PRKCH: variants seen among roughly 807,000 people sequenced by gnomAD.
PRKCH encodes the protein protein kinase C eta type.
PRKCH carries 28 observed loss-of-function variants against 82.5 expected under a neutral mutation model. That is an observed-to-expected ratio of 0.34 (90% confidence interval 0.25 to 0.47). The LOEUF (loss-of-function observed/expected upper bound fraction) is 0.47. Among genes scored for constraint, PRKCH ranks in the 20% least tolerant of loss-of-function variants. The pLI, the probability that PRKCH is intolerant of heterozygous loss-of-function variation, is 1.00. For synonymous variants in PRKCH, 322 were observed against 327.4 expected (o/e 0.98, Z 0.18); for missense variants, 705 against 881.8 (o/e 0.80, Z 2.54).
Position 61,280,472 on chromosome 14 carries a change from G to C in PRKCH, c.-19+92804G>C, listed in dbSNP as rs917025945. On this transcript the variant is annotated intron_variant, in intron 1 of 3. Transcript: ENST00000555185. The surrounding 1 kb of genome is among the most constrained non-coding windows in gnomAD (Gnocchi z 5.0). The stretch of plus-strand genomic sequence containing the variant: ...TAGACTGGCCGGCGCCAGTTGGGCG[G>C]GGGCGCCGTGCCCTGGAAGGCCAAC... 47 of 1,613,242 alleles carry C rather than the reference G, an allele frequency of 2.9e-5. No individual in the cohort carries two copies. Among genetic ancestry groups the C allele is most frequent in the Non-Finnish European group, 3.7e-5 (44 of 1,179,710 alleles).
chr14:61,273,711 T>C lies in PRKCH; in HGVS notation c.-19+86043T>C, dbSNP rs543135679. On this transcript the variant is annotated intron_variant, in intron 1 of 3. Coordinates refer to the PRKCH transcript ENST00000555185. ...GAGCATTTCCATGCTGTTAAGAATA[T>C]ACGTGCATTCTCAGCTGTCTTTAAG... Among the ~76,000 whole-genome samples, 6 of 152,382 alleles carry C rather than the reference T, an allele frequency of 3.9e-5. No homozygotes were observed. In the South Asian group the frequency reaches 8.3e-4, roughly 21 times the overall value.
chr14:61,337,127 A>G (rs2045868128), intron 1 of PRKCH, among the ~76,000 whole-genome samples: 1 of 137,934 alleles, frequency 7.2e-6, no homozygotes, highest in African/African-American at 2.6e-5. Context: ...AGATGTATTC[A>G]AGGACACCAA....
chr14:61,287,336 C>G (rs543737563), intron 1 of PRKCH, among the ~76,000 whole-genome samples: 1 of 150,338 alleles, frequency 6.7e-6, no homozygotes, highest in East Asian at 2.0e-4. Flanking sequence ...CCAGAATAGG[C>G]AGAGGACAAG....
chr14:61,445,082 C>T (rs746114012), intron 3 of PRKCH, among the ~76,000 whole-genome samples: 2 of 152,198 alleles, frequency 1.3e-5, no homozygotes, highest in Non-Finnish European at 2.9e-5. Context: ...GGCTTAGTTA[C>T]TGTGGTCTTT....
chr14:61,255,067 G>A (rs1177826394), intron 1 of PRKCH, among the ~76,000 whole-genome samples: 1 of 152,188 alleles, frequency 6.6e-6, no homozygotes, highest in East Asian at 1.9e-4. Context: ...CAAGATTATG[G>A]CAGCCCTTCT....
At chr14:61,397,486 A>G (rs1346565661) in intron 2 of PRKCH, among the ~76,000 whole-genome samples, 6 of 152,258 alleles carry the variant, frequency 3.9e-5, no homozygotes, top group South Asian at 2.1e-4. Flanking sequence ...GAGAAGATTT[A>G]GCAAGAAAAC....
intron 10 of PRKCH, among the ~76,000 whole-genome samples, chr14:61,507,011 A>G (rs1455538745): frequency 6.6e-6 from 1 of 152,208 alleles, no homozygotes; most frequent in Non-Finnish European, 1.5e-5. Context: ...AAGGCAACCT[A>G]TGGAAAGGGA....
At chr14:61,285,580 T>A (rs530111059) in intron 1 of PRKCH, among the ~76,000 whole-genome samples, 25 of 152,352 alleles carry the variant, frequency 1.6e-4, no homozygotes, top group African/African-American at 5.5e-4. Context: ...CTAACTTTTA[T>A]TGAGTACCTT....
intron 9 of PRKCH, among the ~76,000 whole-genome samples, chr14:61,475,048 G>A (rs775691374): frequency 6.6e-6 from 1 of 152,092 alleles, no homozygotes; most frequent in Non-Finnish European, 1.5e-5. Context: ...CATAAGTGTC[G>A]AATTCATACA....
At chr14:61,526,090 C>T (rs2042962720) in intron 10 of PRKCH, among the ~76,000 whole-genome samples, 1 of 152,210 alleles carries the variant, frequency 6.6e-6, no homozygotes, top group East Asian at 1.9e-4. Flanking sequence ...CGATCATCCT[C>T]ACCCCTGCTC....
At chr14:61,241,873 G>A (rs898102991) in intron 1 of PRKCH, among the ~76,000 whole-genome samples, 13 of 152,132 alleles carry the variant, frequency 8.5e-5, no homozygotes, top group African/African-American at 2.4e-4. Context: ...GAGATGAAGC[G>A]TGTTTTATGG....
chr14:61,329,629 A>G (rs1217995959), intron 1 of PRKCH, among the ~76,000 whole-genome samples: 2 of 152,132 alleles, frequency 1.3e-5, no homozygotes, highest in African/African-American at 4.8e-5. Flanking sequence ...CCCAAATTAC[A>G]ATGAGCATCT....
At chr14:61,357,153 C>T (rs1175263692) in intron 1 of PRKCH, among the ~76,000 whole-genome samples, 1 of 152,252 alleles carries the variant, frequency 6.6e-6, no homozygotes, top group African/African-American at 2.4e-5. Context: ...GTCAGCAACC[C>T]TCCAGGACTG....
intron 1 of PRKCH, among the ~76,000 whole-genome samples, chr14:61,323,296 T>C (rs1446676341): frequency 6.6e-6 from 1 of 152,158 alleles, no homozygotes; most frequent in Non-Finnish European, 1.5e-5. Flanking sequence ...GTAAATCAAT[T>C]AAAACTTCTA....
intron 7 of PRKCH, among the ~76,000 whole-genome samples, chr14:61,455,798 T>C (rs555163856): frequency 3.3e-5 from 5 of 152,328 alleles, no homozygotes; most frequent in Non-Finnish European, 7.4e-5. Context: ...ATCTTATAAA[T>C]GTCTCAAGGT....
intron 9 of PRKCH, among the ~76,000 whole-genome samples, chr14:61,480,196 C>T (rs1885910824): frequency 6.6e-6 from 1 of 152,206 alleles, no homozygotes; most frequent in Non-Finnish European, 1.5e-5. Context: ...AATACAGAAA[C>T]AGTCATCTTT....
intron 1 of PRKCH, among the ~76,000 whole-genome samples, chr14:61,372,282 G>A (rs1032942129): frequency 6.6e-6 from 1 of 151,966 alleles, no homozygotes; most frequent in East Asian, 1.9e-4. Context: ...ATTGCTTTTA[G>A]GTCTGTTCAG....
intron 1 of PRKCH, among the ~76,000 whole-genome samples, chr14:61,384,750 G>T (rs929401594): frequency 3.3e-5 from 5 of 152,012 alleles, no homozygotes; most frequent in South Asian, 2.1e-4. Flanking sequence ...ATGCTTTCCC[G>T]AGTGGCTGCT....
rs138148179 is a variant in PRKCH at position 61,334,384 on chromosome 14, G to T, written c.363+11920G>T. ...GTACCAAGTAGAGAATCAAAGCAGGGTGACTTGATTCAGTGTGACAAGGTG... is the reference window on the plus strand; with the variant it reads ...GTACCAAGTAGAGAATCAAAGCAGGTTGACTTGATTCAGTGTGACAAGGTG... On this transcript the variant is annotated intron_variant, in intron 1 of 13. Coordinates refer to ENST00000332981, the MANE Select transcript of PRKCH (RefSeq NM_006255.5). Among the ~76,000 whole-genome samples the T allele has an allele frequency of 1.1e-3, 163 of 152,244 alleles. 1 individual carries two copies. The highest frequency in any genetic ancestry group is 3.0e-3 in the African/African-American group (123 of 41,532).
Sources: allele counts gnomAD v4.1 joint callset (sites outside exome capture counted in the v4.1 genomes callset), GRCh38; gene constraint gnomAD v4.1.1; non-coding constraint Gnocchi (gnomAD v3.1); transcripts MANE v1.5; gene names NCBI Gene and HGNC (gene_info 2026-07-23, HGNC 2026-07-21).